Variants in RABGAP1L observed in about 807,000 individuals in gnomAD.
The protein encoded by RABGAP1L is RAB GTPase activating protein 1 like.
In RABGAP1L, 63 loss-of-function variants were observed where a neutral mutation model predicts 137.7. The ratio of observed to expected loss-of-function variants is 0.46; its 90% CI spans 0.37 to 0.56. The LOEUF is 0.56. RABGAP1L is among the 20% of genes least tolerant of loss of function. The probability of loss-of-function intolerance (pLI) is 0.00; values close to 1 mark genes in which losing one functional copy is unlikely to be tolerated. For missense variants in RABGAP1L, 1,095 were observed against 1,244.0 expected (o/e 0.88, Z 1.80); for synonymous variants, 431 against 433.7 (o/e 0.99, Z 0.08).
chr1:174,334,824 G>A (rs193189255), intron 11 of RABGAP1L, among the ~76,000 whole-genome samples: 229 of 152,236 alleles, frequency 1.5e-3, no homozygotes, highest in African/African-American at 5.2e-3. Context: ...GTCAATGAAT[G>A]TTTTTCTTTT....
intron 19 of RABGAP1L, among the ~76,000 whole-genome samples, chr1:174,909,861 C>A (rs1157450061): frequency 6.6e-6 from 1 of 152,016 alleles, no homozygotes; most frequent in Non-Finnish European, 1.5e-5. Flanking sequence ...TGAGATCAGC[C>A]GGGTGTGGTG....
intron 24 of RABGAP1L, among the ~76,000 whole-genome samples, chr1:174,983,479 A>T (rs1247971028): frequency 6.6e-6 from 1 of 152,244 alleles, no homozygotes; most frequent in Non-Finnish European, 1.5e-5. Flanking sequence ...CCATAGAAAC[A>T]ACAGTAAACC....
intron 13 of RABGAP1L, among the ~76,000 whole-genome samples, chr1:174,537,095 C>A (rs986335078): frequency 1.3e-5 from 2 of 152,054 alleles, no homozygotes; most frequent in Admixed American, 1.3e-4. Context: ...TTTTTCTCTC[C>A]CACACCAAAC....
chr1:174,883,604 A>G (rs1654614703), intron 19 of RABGAP1L, among the ~76,000 whole-genome samples: 1 of 152,184 alleles, frequency 6.6e-6, no homozygotes, highest in Admixed American at 6.5e-5. Context: ...TGTAGAACCA[A>G]TAGAAGGGAG....
chr1:174,701,512 C>T (rs866407065), intron 16 of RABGAP1L, among the ~76,000 whole-genome samples: 5 of 151,980 alleles, frequency 3.3e-5, no homozygotes, highest in African/African-American at 7.3e-5. Context: ...GAGGCCAAGT[C>T]GGGCAGATCA....
intron 1 of RABGAP1L, among the ~76,000 whole-genome samples, chr1:174,202,445 C>T (rs925779973): frequency 2.2e-4 from 34 of 152,226 alleles, no homozygotes; most frequent in Non-Finnish European, 4.4e-4. Context: ...TGCATAAATG[C>T]CTTCTTTTGA....
At chr1:174,701,676 GA>G (rs1679661350) in intron 16 of RABGAP1L, among the ~76,000 whole-genome samples, 1 of 151,204 alleles carries the variant, frequency 6.6e-6, no homozygotes, top group Non-Finnish European at 1.5e-5. Flanking sequence ...CTGGGAGGCG[GA>G]GGTTGCAGTG....
chr1:174,832,273 A>T (rs1692185176), intron 19 of RABGAP1L, among the ~76,000 whole-genome samples: 1 of 146,714 alleles, frequency 6.8e-6, no homozygotes, highest in Non-Finnish European at 1.5e-5. Flanking sequence ...AGCCTGGGCG[A>T]TAGAGCAAGA....
chr1:174,831,865 T>C (rs1692146745), intron 19 of RABGAP1L, among the ~76,000 whole-genome samples: 1 of 147,924 alleles, frequency 6.8e-6, no homozygotes, highest in Non-Finnish European at 1.5e-5. Flanking sequence ...ACACCTAAGG[T>C]AGGAGAGTGG....
chr1:174,356,183 C>T (rs1050366571), intron 11 of RABGAP1L, among the ~76,000 whole-genome samples: 3 of 152,034 alleles, frequency 2.0e-5, no homozygotes, highest in African/African-American at 7.2e-5. Context: ...TGTGCTTCTT[C>T]CTACAGGTTT....
chr1:174,803,832 G>T (rs1470267058), intron 18 of RABGAP1L, among the ~76,000 whole-genome samples: 1 of 152,122 alleles, frequency 6.6e-6, no homozygotes, highest in Non-Finnish European at 1.5e-5. Flanking sequence ...CAGCATGTTG[G>T]GAGGCTGAGG....
intron 13 of RABGAP1L, among the ~76,000 whole-genome samples, chr1:174,482,380 G>A (rs1245951086): frequency 6.6e-6 from 1 of 152,120 alleles, no homozygotes; most frequent in Non-Finnish European, 1.5e-5. Flanking sequence ...CCCTTTAGAG[G>A]TAATTTGTTC....
intron 5 of RABGAP1L, 132 bp from the exon 6 acceptor site, chr1:174,250,343 C>T (rs75455821): frequency 0.014 from 7,908 of 572,052 alleles, 505 homozygotes; most frequent in African/African-American, 0.14. Flanking sequence ...AATACTTAGA[C>T]TATATATAAA....
At chr1:174,708,538 G>A (rs889949721) in intron 17 of RABGAP1L, among the ~76,000 whole-genome samples, 1 of 152,148 alleles carries the variant, frequency 6.6e-6, no homozygotes, top group Admixed American at 6.6e-5. Flanking sequence ...GGAAGCACAA[G>A]GGGTCAAGGA....
chr1:174,356,646 A>G (rs766622260), intron 11 of RABGAP1L, among the ~76,000 whole-genome samples: 1 of 152,084 alleles, frequency 6.6e-6, no homozygotes, highest in Non-Finnish European at 1.5e-5. Flanking sequence ...TTGAAGTATC[A>G]TACATATTTA....
rs1275212817 is a variant in RABGAP1L at position 174,403,255 on chromosome 1, A to ATG, written c.1710+9114_1710+9115dup. Among the ~76,000 whole-genome samples, 5 of 128,196 alleles carry ATG rather than the reference A, an allele frequency of 3.9e-5. No individual in the cohort carries two copies. In the South Asian group the frequency reaches 7.3e-4, roughly 19 times the overall value. The allele number at this position is 128,196 out of a possible 152,430, so 84.1% of individuals were successfully genotyped here. A position where few individuals can be genotyped will look rare whatever the true frequency, so the allele number is the denominator to read the frequency against. ...TGTGTGTGTGTGTGTGTGTATATAT[A>ATG]TGTGTATACCATTTCTTTTCTTCTC... On this transcript the variant is annotated intron_variant, in intron 13 of 25. Transcript: ENST00000681986.
intron 13 of RABGAP1L, among the ~76,000 whole-genome samples, chr1:174,470,847 A>T (rs1288262253): frequency 1.3e-5 from 2 of 152,186 alleles, no homozygotes; most frequent in African/African-American, 4.8e-5. Context: ...ATTTTTACAT[A>T]AATTAAATCC....
At chr1:174,769,141 T>C (rs1210409425) in intron 18 of RABGAP1L, among the ~76,000 whole-genome samples, 1 of 152,200 alleles carries the variant, frequency 6.6e-6, no homozygotes, top group Non-Finnish European at 1.5e-5. Context: ...AGCCACACTT[T>C]GCAGGTGATG....
Position 174,213,000 on chromosome 1 carries a change from A to G in RABGAP1L, c.-33-6125A>G, listed in dbSNP as rs192982045. Among the ~76,000 whole-genome samples, 155 of 152,352 alleles carry G rather than the reference A, an allele frequency of 1.0e-3. 1 individual carries two copies. The highest frequency in any genetic ancestry group is 1.2e-3 in the African/African-American group (49 of 41,588). ...CAAGATTGAACTGTGAAGAAATCCAAAACCTCAACAGACCAATAACAAGTA... is the reference window on the plus strand; with the variant it reads ...CAAGATTGAACTGTGAAGAAATCCAGAACCTCAACAGACCAATAACAAGTA... On this transcript the variant is annotated intron_variant, in intron 1 of 25. Transcript: ENST00000681986.
Sources: allele counts gnomAD v4.1 joint callset (sites outside exome capture counted in the v4.1 genomes callset), GRCh38; gene constraint gnomAD v4.1.1; transcripts MANE v1.5; gene names NCBI Gene and HGNC (gene_info 2026-07-23, HGNC 2026-07-21).